Variants in C4orf36 observed in about 807,000 individuals in gnomAD.
C4orf36 encodes the protein chromosome 4 open reading frame 36, also known as uncharacterized protein C4orf36.
C4orf36 carries 11 observed loss-of-function variants against 12.2 expected under a neutral mutation model. The ratio of observed to expected loss-of-function variants is 0.90; its 90% CI spans 0.57 to 1.49. The LOEUF (loss-of-function observed/expected upper bound fraction) is 1.49. C4orf36 is among the 40% of genes most tolerant of loss of function. C4orf36 has a pLI of 0.00. For synonymous variants in C4orf36, 54 were observed against 51.3 expected (o/e 1.05, Z -0.22); for missense variants, 137 against 133.9 (o/e 1.02, Z -0.11).
intron 4 of C4orf36, chr4:86,887,556 T>C (rs188456905): frequency 3.1e-4 from 154 of 488,938 alleles, no homozygotes; most frequent in Non-Finnish European, 4.4e-4. Context: ...TACAGTGCTG[T>C]CGTTTGTGAC....
At chr4:86,918,300 G>A in the C4orf36 span, among the ~76,000 whole-genome samples, 2 of 152,312 alleles carry the variant, frequency 1.3e-5, no homozygotes, top group East Asian at 1.9e-4. Flanking sequence ...TTAAAGATCG[G>A]ATTCTGACTT....
At chr4:86,900,232 C>T in the C4orf36 span, among the ~76,000 whole-genome samples, 34 of 152,188 alleles carry the variant, frequency 2.2e-4, no homozygotes, top group African/African-American at 7.2e-4. Context: ...AGGGTTTCAC[C>T]ATGTTGGCCA....
chr4:86,927,756 G>A, the C4orf36 span, among the ~76,000 whole-genome samples: 38 of 151,350 alleles, frequency 2.5e-4, no homozygotes, highest in African/African-American at 8.7e-4. Flanking sequence ...CCGAGATCAC[G>A]CCACTGCACT....
chr4:86,887,251 T>C (rs569493002), intron 4 of C4orf36: 1 of 151,920 alleles, frequency 6.6e-6, no homozygotes, highest in Non-Finnish European at 1.5e-5. Flanking sequence ...ACCCTAGAAC[T>C]TAAAGTACAA....
chr4:86,896,855 CTCTG>C (rs1428277114), upstream of C4orf36, among the ~76,000 whole-genome samples: 9 of 152,152 alleles, frequency 5.9e-5, no homozygotes, highest in African/African-American at 9.7e-5. Context: ...AAATCATCTC[CTCTG>C]TCTATCTTTT....
intron 2 of C4orf36, 54 bp downstream of exon 2, chr4:86,891,402 C>A: frequency 1.3e-6 from 2 of 1,544,702 alleles, no homozygotes; most frequent in Non-Finnish European, 1.8e-6. Flanking sequence ...AACAAAGACA[C>A]TCCCCACCGC....
At chr4:86,914,095 C>G in the C4orf36 span, 19 of 1,607,702 alleles carry the variant, frequency 1.2e-5, no homozygotes, top group Non-Finnish European at 1.6e-5. Context: ...TGCTTGCTCA[C>G]CCACCAGTCA....
intron 4 of C4orf36, chr4:86,887,034 G>A (rs923622500): frequency 1.3e-5 from 2 of 150,822 alleles, no homozygotes; most frequent in Middle Eastern, 3.4e-3. Context: ...AACACCGCAT[G>A]TTCTCACTCA....
chr4:86,901,030 G>T, the C4orf36 span, among the ~76,000 whole-genome samples: 2 of 151,092 alleles, frequency 1.3e-5, no homozygotes, highest in South Asian at 2.1e-4. Context: ...TGTCACCCAG[G>T]CTGGAGTGCA....
At chr4:86,899,267 A>G in the C4orf36 span, among the ~76,000 whole-genome samples, 3 of 152,218 alleles carry the variant, frequency 2.0e-5, no homozygotes, top group South Asian at 6.2e-4. Context: ...CCTGCAGTTC[A>G]TTAGTAGACA....
the C4orf36 span, among the ~76,000 whole-genome samples, chr4:86,898,738 G>A: frequency 1.3e-5 from 2 of 152,146 alleles, no homozygotes; most frequent in Non-Finnish European, 2.9e-5. Context: ...GAGCCCAGGA[G>A]TTCCAGGAGG....
upstream of C4orf36, among the ~76,000 whole-genome samples, chr4:86,895,069 C>T (rs141220874): frequency 3.9e-5 from 6 of 152,250 alleles, no homozygotes; most frequent in Admixed American, 2.6e-4. Context: ...CTCAACACTA[C>T]GGCAGGCTGA....
intron 2 of C4orf36, among the ~76,000 whole-genome samples, 178 bp from the exon 3 acceptor site, chr4:86,888,453 A>G (rs1256000124): frequency 1.3e-5 from 2 of 152,232 alleles, no homozygotes; most frequent in Non-Finnish European, 2.9e-5. Context: ...GGAGATTTAT[A>G]TTAACTAATA....
intron 2 of C4orf36, among the ~76,000 whole-genome samples, chr4:86,890,653 C>A (rs1479338435): frequency 6.6e-6 from 1 of 152,072 alleles, no homozygotes; most frequent in Non-Finnish European, 1.5e-5. Context: ...CGTAGGGAAT[C>A]CTCATTTACT....
chr4:86,915,248 T>C, the C4orf36 span, among the ~76,000 whole-genome samples: 3 of 152,248 alleles, frequency 2.0e-5, no homozygotes, highest in Non-Finnish European at 4.4e-5. Flanking sequence ...CCACACCAGG[T>C]TGCTCCCATG....
At chr4:86,923,048 T>C in the C4orf36 span, among the ~76,000 whole-genome samples, 40 of 151,114 alleles carry the variant, frequency 2.6e-4, no homozygotes, top group African/African-American at 9.2e-4. Context: ...GCCTCCCAAG[T>C]AGCTGGGATT....
intron 4 of C4orf36, among the ~76,000 whole-genome samples, chr4:86,881,303 G>A (rs1306183804): frequency 1.3e-5 from 2 of 152,138 alleles, no homozygotes; most frequent in African/African-American, 4.8e-5. Context: ...TAATTAAATT[G>A]TTATAACCTT....
At chr4:86,890,114 C>G (rs1307270425) in intron 2 of C4orf36, 1 of 451,212 alleles carries the variant, frequency 2.2e-6, no homozygotes, top group Admixed American at 2.4e-5. Flanking sequence ...ATCACTCAAG[C>G]CCAGGAGGTG....
chr4:86,885,915 T>C (rs1377565784), intron 4 of C4orf36, among the ~76,000 whole-genome samples: 2 of 152,240 alleles, frequency 1.3e-5, no homozygotes, highest in African/African-American at 4.8e-5. Flanking sequence ...TGAAGGGCTG[T>C]TGAATTTTGT....
Sources: allele counts gnomAD v4.1 joint callset (sites outside exome capture counted in the v4.1 genomes callset), GRCh38; gene constraint gnomAD v4.1.1; transcripts MANE v1.5; gene names NCBI Gene and HGNC (gene_info 2026-07-23, HGNC 2026-07-21).